The following MED13 variants were observed in gnomAD, a reference collection of about 807,000 sequenced individuals.
The protein encoded by MED13 is mediator complex subunit 13, also known as mediator of RNA polymerase II transcription subunit 13.
A neutral mutation model predicts 225.2 loss-of-function variants in MED13; 23 were observed. The ratio of observed to expected loss-of-function variants is 0.10; its 90% CI spans 0.07 to 0.14. The LOEUF (loss-of-function observed/expected upper bound fraction) is 0.14, where lower values mean the gene tolerates loss of function less well. Ranked by LOEUF, MED13 falls within the 10% of genes least tolerant of loss-of-function variation. MED13 has a pLI of 1.00. For missense variants in MED13, 2,197 were observed against 2,594.5 expected (o/e 0.85, Z 3.33); for synonymous variants, 942 against 889.2 (o/e 1.06, Z -1.06).
chr17:61,956,211 T>G, intron 24 of MED13, 128 bp downstream of exon 24: 1 of 911,824 alleles, frequency 1.1e-6, no homozygotes, highest in Non-Finnish European at 1.6e-6. Flanking sequence ...ATTTGTGGCC[T>G]AGACATATGT....
intron 11 of MED13, among the ~76,000 whole-genome samples, chr17:61,990,303 T>A (rs541537195): frequency 1.3e-5 from 2 of 151,818 alleles, no homozygotes; most frequent in Non-Finnish European, 2.9e-5. Context: ...CACACACATA[T>A]ACACACACAC....
At chr17:61,952,882 GCTTCGC>G (rs2079908700) in intron 27 of MED13, 77 bp downstream of exon 27, 1 of 1,465,596 alleles carries the variant, frequency 6.8e-7, no homozygotes, top group Admixed American at 2.1e-5. Context: ...TGATCCACCT[GCTTCGC>G]CCTCCCAAAG....
intron 8 of MED13, among the ~76,000 whole-genome samples, chr17:62,017,801 CT>C (rs2080597527): frequency 1.3e-5 from 2 of 152,154 alleles, no homozygotes; most frequent in South Asian, 4.1e-4. Context: ...CTTATACAAT[CT>C]TTTTACACTC....
intron 23 of MED13, among the ~76,000 whole-genome samples, chr17:61,958,205 T>C (rs2079966290): frequency 6.6e-6 from 1 of 151,646 alleles, no homozygotes; most frequent in South Asian, 2.1e-4. Context: ...TCTAACTCTA[T>C]CACCCAGGCT....
At chr17:61,961,543 G>GT (rs765559665) in intron 22 of MED13, 45 bp downstream of exon 22, 1 of 1,101,276 alleles carries the variant, frequency 9.1e-7, no homozygotes, top group Non-Finnish European at 1.3e-6. Context: ...AAAAAAAAAG[G>GT]TATGTATAGT....
chr17:61,950,764 TTTCTC>T, intron 28 of MED13, 56 bp downstream of exon 28: 1 of 1,511,002 alleles, frequency 6.6e-7, no homozygotes, highest in Non-Finnish European at 8.9e-7. Flanking sequence ...CACTTCTATA[TTTCTC>T]AGGACTTAGG....
intron 9 of MED13, among the ~76,000 whole-genome samples, chr17:61,996,715 A>C (rs2080349870): frequency 6.6e-6 from 1 of 152,266 alleles, no homozygotes; most frequent in Non-Finnish European, 1.5e-5. Context: ...ACTTGCCTCA[A>C]TAATAATCCC....
chr17:61,955,054 GC>G (rs1174768739), intron 26 of MED13, among the ~76,000 whole-genome samples: 1 of 152,066 alleles, frequency 6.6e-6, no homozygotes, highest in Non-Finnish European at 1.5e-5. Flanking sequence ...ATATTCTTTG[GC>G]TCATGGGCTC....
intron 16 of MED13, among the ~76,000 whole-genome samples, chr17:61,975,033 T>C (rs118050661): frequency 0.031 from 4,641 of 152,014 alleles, 98 homozygotes; most frequent in Non-Finnish European, 0.043. Context: ...CTGAGTGTGA[T>C]AGTAGGCCCC....
At chr17:62,031,332 C>T (rs2080753852) in intron 6 of MED13, 112 bp downstream of exon 6, 8 of 958,678 alleles carry the variant, frequency 8.3e-6, no homozygotes, top group Non-Finnish European at 1.2e-5. Context: ...TTGTACTACA[C>T]TTGTAAATTC....
rs1386169192 is a variant in MED13, at chr17:62,015,925, T to C, written c.1284-4692A>G. ...CATACACACTATACACATATATATATATATATATATATATATATATATATA... is the reference window on the plus strand; with the variant it reads ...CATACACACTATACACATATATATACATATATATATATATATATATATATA... On this transcript the variant is annotated intron_variant, in intron 8 of 29. Coordinates refer to ENST00000397786, the MANE Select transcript of MED13 (RefSeq NM_005121.3). 9.5e-3 allele frequency among the ~76,000 whole-genome samples: 57 copies of C among 5,988 alleles called. 1 individual carries two copies. Among genetic ancestry groups the C allele is most frequent in the African/African-American group, 0.018 (51 of 2,844 alleles). 3.9% of individuals were successfully genotyped at this position (5,988 alleles called of 152,430 possible). A position where few individuals can be genotyped will look rare whatever the true frequency, so the allele number is the denominator to read the frequency against.
intron 8 of MED13, among the ~76,000 whole-genome samples, chr17:62,015,214 C>T (rs890806610): frequency 4.6e-5 from 7 of 152,048 alleles, no homozygotes; most frequent in Non-Finnish European, 8.8e-5. Context: ...TTAGGTATGA[C>T]GGTAGAATTA....
chr17:62,058,641 CTA>C (rs1312132140), intron 2 of MED13, among the ~76,000 whole-genome samples: 1 of 151,762 alleles, frequency 6.6e-6, no homozygotes, highest in Non-Finnish European at 1.5e-5. Context: ...AATCATTATC[CTA>C]TAGAGGATAA....
At chr17:61,977,608 C>G (rs1319703101) in intron 16 of MED13, among the ~76,000 whole-genome samples, 3 of 151,948 alleles carry the variant, frequency 2.0e-5, no homozygotes, top group Non-Finnish European at 2.9e-5. Context: ...CCCGCCACCA[C>G]GCCTGGCTAA....
chr17:62,046,533 A>C (rs1408941298), intron 3 of MED13, among the ~76,000 whole-genome samples: 10 of 152,234 alleles, frequency 6.6e-5, no homozygotes, highest in Admixed American at 3.9e-4. Flanking sequence ...ATTCATGAAA[A>C]TATCCAATTA....
At chr17:62,001,077 T>A (rs2080390668) in intron 9 of MED13, among the ~76,000 whole-genome samples, 1 of 152,122 alleles carries the variant, frequency 6.6e-6, no homozygotes, top group Non-Finnish European at 1.5e-5. Flanking sequence ...ATTTCAATAG[T>A]TATTCCAAGG....
chr17:61,950,176 A>G (rs1460389146), intron 28 of MED13, among the ~76,000 whole-genome samples: 2 of 152,176 alleles, frequency 1.3e-5, no homozygotes, highest in African/African-American at 2.4e-5. Context: ...AAGGTTAGAC[A>G]GAGGTAATAT....
chr17:61,956,273 T>C (rs1250543866), intron 24 of MED13, 66 bp downstream of exon 24: 3 of 1,458,116 alleles, frequency 2.1e-6, no homozygotes, highest in African/African-American at 2.8e-5. Flanking sequence ...TACCTAGACG[T>C]GGTCAGAACT....
At chr17:61,961,948 G>C (rs1186875403) in intron 21 of MED13, among the ~76,000 whole-genome samples, 169 bp from the exon 22 acceptor site, 3 of 152,090 alleles carry the variant, frequency 2.0e-5, no homozygotes, top group African/African-American at 7.2e-5. Context: ...TTAATAAGTA[G>C]CCAATTTTAC....
Sources: gnomAD v4.1 joint callset for allele counts (sites outside exome capture counted in the v4.1 genomes callset) on GRCh38, gnomAD v4.1.1 for gene constraint, MANE v1.5 for transcripts, NCBI Gene and HGNC (gene_info 2026-07-23, HGNC 2026-07-21) for gene names.